Variants in SPATA13 observed in about 807,000 individuals in gnomAD.
SPATA13 encodes the protein spermatogenesis associated 13, also known as spermatogenesis-associated protein 13.
A neutral mutation model predicts 104.0 loss-of-function variants in SPATA13; 50 were observed. The ratio of observed to expected loss-of-function variants is 0.48; its 90% CI spans 0.38 to 0.61. The LOEUF is 0.61. Ranked by LOEUF, SPATA13 falls within the 20% of genes least tolerant of loss-of-function variation. The probability of loss-of-function intolerance (pLI) is 0.00; values close to 1 mark genes in which losing one functional copy is unlikely to be tolerated. For missense variants in SPATA13, 1,524 were observed against 1,690.6 expected (o/e 0.90, Z 1.73); for synonymous variants, 606 against 667.5 (o/e 0.91, Z 1.42).
At chr13:24,005,761 A>G (rs1346896979) in intron 2 of SPATA13, among the ~76,000 whole-genome samples, 1 of 152,226 alleles carries the variant, frequency 6.6e-6, no homozygotes, top group African/African-American at 2.4e-5. Context: ...TAGATTTGCC[A>G]CAACCCTGAA....
chr13:24,195,979 A>T (rs1220563), intron 1 of SPATA13, among the ~76,000 whole-genome samples: 72,880 of 152,008 alleles, frequency 0.48, 17,912 homozygotes, highest in East Asian at 0.67. Context: ...AAATTTAAGC[A>T]TGTTTCATAT....
At chr13:23,994,916 G>A (rs1048766348) in intron 2 of SPATA13, among the ~76,000 whole-genome samples, 1 of 152,176 alleles carries the variant, frequency 6.6e-6, no homozygotes, top group African/African-American at 2.4e-5. Context: ...CTGTAAACAG[G>A]TGAATTGGTG....
intron 3 of SPATA13, among the ~76,000 whole-genome samples, chr13:24,024,807 C>A (rs1439119248): frequency 6.6e-6 from 1 of 151,080 alleles, no homozygotes; most frequent in Non-Finnish European, 1.5e-5. Flanking sequence ...CCTGTGGCCC[C>A]AGTTACTTGG....
intron 1 of SPATA13, among the ~76,000 whole-genome samples, chr13:24,219,750 C>A (rs1871464223): frequency 6.6e-6 from 1 of 152,188 alleles, no homozygotes; most frequent in East Asian, 1.9e-4. Flanking sequence ...GAAGGAGACA[C>A]CTGCAGTTCG....
At chr13:24,111,832 T>A (rs1003781679) in intron 3 of SPATA13, among the ~76,000 whole-genome samples, 1 of 152,250 alleles carries the variant, frequency 6.6e-6, no homozygotes, top group Admixed American at 6.5e-5. Context: ...TCTTTGCTAA[T>A]GTCTTGTTTC....
intron 4 of SPATA13, among the ~76,000 whole-genome samples, chr13:24,257,230 C>G (rs546802099): frequency 8.5e-5 from 13 of 152,260 alleles, no homozygotes; most frequent in Non-Finnish European, 1.5e-4. Flanking sequence ...GCTTGCTTTT[C>G]TTATCTTCCA....
intron 1 of SPATA13, among the ~76,000 whole-genome samples, chr13:24,213,525 A>G (rs1290970452): frequency 1.3e-5 from 2 of 151,396 alleles, no homozygotes; most frequent in African/African-American, 4.9e-5. Context: ...TCGGCCTCCC[A>G]AAGTGCTGGG....
chr13:24,221,979 A>T (rs1451010056), intron 1 of SPATA13, among the ~76,000 whole-genome samples: 1 of 151,886 alleles, frequency 6.6e-6, no homozygotes, highest in East Asian at 1.9e-4. Context: ...CGCCTGGCTA[A>T]TTTTTGAATT....
intron 3 of SPATA13, among the ~76,000 whole-genome samples, chr13:24,096,355 A>G (rs1363183741): frequency 6.6e-6 from 1 of 152,136 alleles, no homozygotes; most frequent in Non-Finnish European, 1.5e-5. Flanking sequence ...TAGCACTTTG[A>G]GAGGCAGATG....
chr13:24,116,309 G>C (rs1880835596), intron 3 of SPATA13, among the ~76,000 whole-genome samples: 2 of 152,340 alleles, frequency 1.3e-5, no homozygotes, highest in South Asian at 4.1e-4. Flanking sequence ...TGAGGACTCT[G>C]CTTTCATGAC....
At chr13:24,143,849 C>T (rs542293952) in intron 3 of SPATA13, among the ~76,000 whole-genome samples, 50 of 152,226 alleles carry the variant, frequency 3.3e-4, no homozygotes, top group Non-Finnish European at 5.9e-4. Flanking sequence ...GAACATGTGA[C>T]ACTTTCTCTC....
At chr13:24,024,559 G>A (rs1877122136) in intron 3 of SPATA13, among the ~76,000 whole-genome samples, 1 of 151,962 alleles carries the variant, frequency 6.6e-6, no homozygotes, top group Non-Finnish European at 1.5e-5. Context: ...CCCTGCTGGT[G>A]GCCACACAGC....
At chr13:24,179,400 G>C (rs1868650303) in intron 1 of SPATA13, among the ~76,000 whole-genome samples, 1 of 152,204 alleles carries the variant, frequency 6.6e-6, no homozygotes, top group African/African-American at 2.4e-5. Context: ...CATCAGCTAT[G>C]TATGGGGGCT....
In SPATA13 at chr13:24,302,689, G is replaced by A. The variant is rs1414713942; in HGVS notation, c.3750G>A (p.Gln1250=). 1 of 1,614,110 alleles carries A rather than the reference G, an allele frequency of 6.2e-7. No homozygotes were observed. The highest frequency in any genetic ancestry group is 1.7e-5 in the Admixed American group (1 of 60,014). Residue 1250 remains glutamine (Q), a synonymous_variant, in exon 13 of 13, where the codon CAG becomes CAA. Coordinates refer to ENST00000382108, the MANE Select transcript of SPATA13 (RefSeq NM_001166271.3). ...CTATGCCCACAAGCGTCCCCCAGCA[G>A]CAGGTCTTTGGCCTGGCGGAACCCA... ...HITMPTSVPQ[Q]QVFGLAEPKR...
chr13:24,141,661 A>G (rs1382526671), intron 3 of SPATA13, among the ~76,000 whole-genome samples: 1 of 152,224 alleles, frequency 6.6e-6, no homozygotes, highest in East Asian at 1.9e-4. Context: ...CTTGCAGCCC[A>G]GCGCCTGCCA....
intron 3 of SPATA13, among the ~76,000 whole-genome samples, chr13:24,135,125 A>G (rs2137839372): frequency 6.6e-6 from 1 of 152,320 alleles, no homozygotes; most frequent in South Asian, 2.1e-4. Context: ...TCTCAACTCC[A>G]GAGCCGCAGG....
chr13:24,207,969 A>G (rs1178204348), intron 1 of SPATA13, among the ~76,000 whole-genome samples: 2 of 152,228 alleles, frequency 1.3e-5, no homozygotes, highest in Non-Finnish European at 2.9e-5. Flanking sequence ...TCTGGCGTAT[A>G]GACATTCTCT....
intron 3 of SPATA13, among the ~76,000 whole-genome samples, chr13:24,113,656 G>C (rs958465352): frequency 6.6e-6 from 1 of 152,000 alleles, no homozygotes; most frequent in Admixed American, 6.6e-5. Flanking sequence ...CAGATCACGA[G>C]GTCAGGAGAT....
At chr13:24,210,781 G>C (rs371045285) in intron 1 of SPATA13, among the ~76,000 whole-genome samples, 1 of 74,680 alleles carries the variant, frequency 1.3e-5, no homozygotes, top group Non-Finnish European at 2.8e-5. Context: ...TTTTTTTTTT[G>C]TATTTCATTG....
Sources: gnomAD v4.1 joint callset for allele counts (sites outside exome capture counted in the v4.1 genomes callset) on GRCh38, gnomAD v4.1.1 for gene constraint, MANE v1.5 for transcripts, NCBI Gene and HGNC (gene_info 2026-07-23, HGNC 2026-07-21) for gene names.